The following CTNNA3 variants were observed in gnomAD, a reference collection of about 807,000 sequenced individuals.
CTNNA3 encodes the protein catenin alpha-3.
Under a neutral mutation model 95.7 loss-of-function variants are expected in CTNNA3, and 76 were observed. That is an observed-to-expected ratio of 0.79 (90% CI 0.66 to 0.96). The LOEUF (loss-of-function observed/expected upper bound fraction) is 0.96. Among genes scored for constraint, CTNNA3 ranks in the 40% least tolerant of loss-of-function variants. The pLI is 0.00. For synonymous variants in CTNNA3, 431 were observed against 374.4 expected (o/e 1.15, Z -1.74); for missense variants, 1,191 against 1,089.8 (o/e 1.09, Z -1.31).
At chr10:66,997,709 C>A (rs1851433216) in intron 7 of CTNNA3, among the ~76,000 whole-genome samples, 1 of 152,116 alleles carries the variant, frequency 6.6e-6, no homozygotes, top group Admixed American at 6.6e-5. Context: ...ATTAAATAAT[C>A]TTATACCTTA....
At chr10:67,702,895 G>A (rs1026873308) in intron 1 of CTNNA3, among the ~76,000 whole-genome samples, 2 of 151,958 alleles carry the variant, frequency 1.3e-5, no homozygotes, top group Non-Finnish European at 2.9e-5. Flanking sequence ...TAAGAAAGAA[G>A]AAAAGAGAGA....
chr10:67,388,123 G>C (rs1177638683), intron 5 of CTNNA3, among the ~76,000 whole-genome samples: 16 of 142,014 alleles, frequency 1.1e-4, no homozygotes, highest in Admixed American at 2.1e-4. Flanking sequence ...AGCTACGGGA[G>C]GACATTCAAA....
intron 7 of CTNNA3, among the ~76,000 whole-genome samples, chr10:66,990,171 A>C (rs1282207991): frequency 6.6e-6 from 1 of 152,144 alleles, no homozygotes; most frequent in Non-Finnish European, 1.5e-5. Flanking sequence ...TGCTCAGTTG[A>C]ATCTGCTTCA....
intron 9 of CTNNA3, among the ~76,000 whole-genome samples, chr10:66,641,680 G>A (rs1328642760): frequency 6.6e-6 from 1 of 152,054 alleles, no homozygotes; most frequent in East Asian, 1.9e-4. Flanking sequence ...TTCATTGAGA[G>A]AGAAACATCT....
rs372405463 is a variant in CTNNA3, at chr10:66,679,864, G to A, written c.1282-58080C>T. On this transcript the variant is annotated intron_variant, in intron 9 of 17. Coordinates refer to ENST00000433211, the MANE Select transcript of CTNNA3 (RefSeq NM_013266.4). ...CAACAATGCAAAGGGTGACGAAATC[G>A]CAAGTTACATATTTAATACTCATAC... is the stretch of plus-strand genomic sequence containing the variant. 7.9e-5 allele frequency among the ~76,000 whole-genome samples: 12 copies of A among 152,180 alleles called. 1 individual carries two copies. Among genetic ancestry groups the A allele is most frequent in the South Asian group, 4.2e-4 (2 of 4,816 alleles).
At chr10:66,368,349 G>A (rs1286591797) in intron 12 of CTNNA3, among the ~76,000 whole-genome samples, 1 of 151,940 alleles carries the variant, frequency 6.6e-6, no homozygotes, top group East Asian at 1.9e-4. Flanking sequence ...AGTTTAGATA[G>A]AGGCTTTTGC....
chr10:66,776,099 C>T (rs190115352), intron 7 of CTNNA3, among the ~76,000 whole-genome samples: 2 of 152,274 alleles, frequency 1.3e-5, no homozygotes, highest in East Asian at 3.9e-4. Flanking sequence ...TTGTGCAACA[C>T]CTTTTTATTC....
intron 6 of CTNNA3, among the ~76,000 whole-genome samples, chr10:67,208,593 C>G (rs1382799076): frequency 6.6e-6 from 1 of 152,262 alleles, no homozygotes; most frequent in East Asian, 1.9e-4. Flanking sequence ...CCACAAGACT[C>G]ATCCAGACAG....
chr10:67,225,290 C>T (rs143239075), intron 5 of CTNNA3, among the ~76,000 whole-genome samples: 1,549 of 152,268 alleles, frequency 0.01, 15 homozygotes, highest in African/African-American at 0.024. Context: ...CCCTATCCAC[C>T]CTGGTAGCTG....
intron 14 of CTNNA3, among the ~76,000 whole-genome samples, chr10:66,071,763 C>T (rs3847340): frequency 0.52 from 79,408 of 151,906 alleles, 21,247 homozygotes; most frequent in South Asian, 0.59. Context: ...AAATGATATG[C>T]AAGAACACAC....
At chr10:66,659,275 T>C (rs1198485955) in intron 9 of CTNNA3, among the ~76,000 whole-genome samples, 1 of 151,728 alleles carries the variant, frequency 6.6e-6, no homozygotes. Flanking sequence ...AATGAAGCAC[T>C]ATAATAAGAT....
intron 12 of CTNNA3, among the ~76,000 whole-genome samples, chr10:66,334,799 G>T (rs778929440): frequency 2.0e-5 from 3 of 152,078 alleles, no homozygotes; most frequent in Admixed American, 2.0e-4. Flanking sequence ...GATTGGGGAA[G>T]TTCTCCTGGA....
intron 9 of CTNNA3, among the ~76,000 whole-genome samples, chr10:66,691,797 G>A (rs74598879): frequency 3.3e-5 from 5 of 152,102 alleles, no homozygotes; most frequent in South Asian, 2.1e-4. Context: ...CAGCATTCGC[G>A]GTTCACAAAA....
intron 7 of CTNNA3, among the ~76,000 whole-genome samples, chr10:67,046,567 A>G (rs921997844): frequency 6.6e-6 from 1 of 152,186 alleles, no homozygotes; most frequent in Non-Finnish European, 1.5e-5. Flanking sequence ...TTTTTCTCAG[A>G]ATCAATTATT....
intron 7 of CTNNA3, among the ~76,000 whole-genome samples, chr10:67,162,993 TA>T (rs1861613565): frequency 2.6e-5 from 4 of 151,914 alleles, no homozygotes; most frequent in African/African-American, 9.7e-5. Flanking sequence ...ATTCATAATA[TA>T]AAAACTCCTG....
At chr10:67,131,088 T>A (rs1859977693) in intron 7 of CTNNA3, among the ~76,000 whole-genome samples, 2 of 152,100 alleles carry the variant, frequency 1.3e-5, no homozygotes. Context: ...TATTTTTCAC[T>A]CTTCTTCCCT....
chr10:66,695,075 C>A (rs1022350122), intron 9 of CTNNA3, among the ~76,000 whole-genome samples: 2 of 152,106 alleles, frequency 1.3e-5, no homozygotes, highest in Non-Finnish European at 2.9e-5. Context: ...AGGAATTGAC[C>A]ACTTTGTTAT....
At chr10:66,829,854 TTTGTTG>T (rs59424993) in intron 7 of CTNNA3, among the ~76,000 whole-genome samples, 2 of 148,256 alleles carry the variant, frequency 1.3e-5, no homozygotes, top group African/African-American at 5.0e-5. Flanking sequence ...CCCCAGGGGA[TTTGTTG>T]TTGTTGTTGT....
intron 13 of CTNNA3, among the ~76,000 whole-genome samples, chr10:66,127,113 T>C (rs1428012163): frequency 4.0e-5 from 6 of 151,398 alleles, no homozygotes; most frequent in African/African-American, 1.5e-4. Context: ...CTACCAAAAA[T>C]ACAAAAAAAT....
Sources: allele counts gnomAD v4.1 joint callset (sites outside exome capture counted in the v4.1 genomes callset), GRCh38; gene constraint gnomAD v4.1.1; transcripts MANE v1.5; gene names NCBI Gene and HGNC (gene_info 2026-07-23, HGNC 2026-07-21).